The following CMIP variants were observed in gnomAD, a reference collection of about 807,000 sequenced individuals.
The protein encoded by CMIP is C-Maf-inducing protein.
In CMIP, 13 loss-of-function variants were observed where a neutral mutation model predicts 97.3. The observed-to-expected ratio is 0.13, with a 90% CI of 0.09 to 0.21. The LOEUF (loss-of-function observed/expected upper bound fraction) is 0.21, where lower values mean the gene tolerates loss of function less well. Among genes scored for constraint, CMIP ranks in the 10% least tolerant of loss-of-function variants. The pLI is 1.00. For synonymous variants in CMIP, 538 were observed against 436.3 expected, an observed-to-expected ratio of 1.23 and a Z score of -2.91; for missense variants, 847 against 1,024.9, an observed-to-expected ratio of 0.83 and a Z score of 2.37.
intron 1 of CMIP, among the ~76,000 whole-genome samples, chr16:81,543,220 CTG>C (rs1381048134): frequency 6.6e-6 from 1 of 152,214 alleles, no homozygotes; most frequent in Non-Finnish European, 1.5e-5. Flanking sequence ...AATCTGAAGA[CTG>C]TGTGGTTCTG....
chr16:81,609,186 C>T (rs377520328), intron 2 of CMIP, among the ~76,000 whole-genome samples: 3 of 151,834 alleles, frequency 2.0e-5, no homozygotes, highest in Non-Finnish European at 4.4e-5. Flanking sequence ...GTCCCTCCCC[C>T]CCTCCCCACC....
chr16:81,588,970 C>T (rs1434904714), intron 1 of CMIP, among the ~76,000 whole-genome samples: 1 of 152,068 alleles, frequency 6.6e-6, no homozygotes, highest in African/African-American at 2.4e-5. Context: ...GATATAAAGT[C>T]AGGTTTTCTG....
At chr16:81,452,131 C>T (rs566855850) in intron 1 of CMIP, among the ~76,000 whole-genome samples, 3 of 152,296 alleles carry the variant, frequency 2.0e-5, no homozygotes, top group South Asian at 2.1e-4. Context: ...ATGTGCACAG[C>T]GCTCGTCCTG....
At chr16:81,553,532 A>G (rs566973753) in intron 1 of CMIP, among the ~76,000 whole-genome samples, 12 of 152,294 alleles carry the variant, frequency 7.9e-5, no homozygotes, top group African/African-American at 2.9e-4. Flanking sequence ...TCCCGGCGCC[A>G]GCTTCGAACA....
intron 1 of CMIP, among the ~76,000 whole-genome samples, chr16:81,492,033 C>T (rs1263214988): frequency 6.6e-6 from 1 of 152,202 alleles, no homozygotes; most frequent in African/African-American, 2.4e-5. Context: ...TTTTCTTCCT[C>T]AATAGAGTGT....
At chr16:81,539,510 A>C (rs994427602) in intron 1 of CMIP, among the ~76,000 whole-genome samples, 2 of 152,314 alleles carry the variant, frequency 1.3e-5, no homozygotes, top group South Asian at 4.1e-4. Context: ...AGAATCCTTC[A>C]TGCTTCGCTG....
chr16:81,512,301 G>GTA (rs1567551832), intron 1 of CMIP, among the ~76,000 whole-genome samples: 4 of 151,990 alleles, frequency 2.6e-5, no homozygotes, highest in African/African-American at 9.7e-5. Context: ...GCCTTGGTGG[G>GTA]GGTCTTTCTT....
rs535631269 is a variant in CMIP at position 81,480,305 on chromosome 16, C to T, written c.300+34764C>T. On this transcript the variant is annotated intron_variant, in intron 1 of 20. Transcript: ENST00000537098. ...CTGTAATCCCAGCACTTTGGGAGGC[C>T]GAGGTGGGCAGATCACCTGAGGTCA... 5.3e-5 allele frequency among the ~76,000 whole-genome samples: 8 copies of T among 152,112 alleles called. No homozygotes were observed. The South Asian group carries it at 6.2e-4, about 12-fold the overall frequency.
intron 1 of CMIP, among the ~76,000 whole-genome samples, chr16:81,580,048 C>T (rs548125511): frequency 7.2e-5 from 11 of 152,342 alleles, no homozygotes; most frequent in Non-Finnish European, 1.3e-4. Context: ...TTCTGAAGAA[C>T]GGATATTTCC....
At chr16:81,536,620 A>G (rs2090348039) in intron 1 of CMIP, among the ~76,000 whole-genome samples, 1 of 152,108 alleles carries the variant, frequency 6.6e-6, no homozygotes, top group Non-Finnish European at 1.5e-5. Context: ...TCAGGTGGAC[A>G]CCTGGTTCAT....
At chr16:81,547,311 G>T (rs575814769) in intron 1 of CMIP, among the ~76,000 whole-genome samples, 13 of 152,322 alleles carry the variant, frequency 8.5e-5, no homozygotes, top group African/African-American at 3.1e-4. Flanking sequence ...TGTGTGCAGC[G>T]AGGGTGACTC....
At chr16:81,481,848 A>G (rs2089228928) in intron 1 of CMIP, among the ~76,000 whole-genome samples, 2 of 150,112 alleles carry the variant, frequency 1.3e-5, no homozygotes, top group Admixed American at 1.3e-4. Context: ...CAGTCTTCAC[A>G]TCTCCTCTGG....
chr16:81,707,057 C>G lies in CMIP; in HGVS notation c.2241C>G (p.Leu747=). The change falls in exon 20 of 21, where the codon CTC becomes CTG. Residue 747 remains leucine, a synonymous_variant. Transcript: ENST00000537098. ...GTTTAAACATGAACAGCACCAAGCT[C>G]TCAGCTGACACCTACGAAGATCTGA... ...LCSLNMNSTK[L]SADTYEDLKA... The G allele has an allele frequency of 6.2e-7, 1 of 1,613,890 alleles. No individual in the cohort carries two copies. Among genetic ancestry groups the G allele is most frequent in the Non-Finnish European group, 8.5e-7 (1 of 1,179,842 alleles).
chr16:81,679,952 T>A (rs1328089009), intron 10 of CMIP, among the ~76,000 whole-genome samples: 5 of 152,194 alleles, frequency 3.3e-5, no homozygotes, highest in Non-Finnish European at 7.3e-5. Context: ...CACCTCCCCC[T>A]TTCTCGCTCC....
intron 1 of CMIP, among the ~76,000 whole-genome samples, chr16:81,605,494 G>C (rs1476163423): frequency 6.6e-6 from 1 of 152,184 alleles, no homozygotes; most frequent in Non-Finnish European, 1.5e-5. Flanking sequence ...TGTGAACCTT[G>C]GCTAAAGCTC....
At chr16:81,488,577 G>A (rs1280118732) in intron 1 of CMIP, among the ~76,000 whole-genome samples, 5 of 152,098 alleles carry the variant, frequency 3.3e-5, no homozygotes, top group Non-Finnish European at 5.9e-5. Flanking sequence ...TCCTGGGACT[G>A]CTATAAGGGT....
At position 81,711,618 on chromosome 16, in the gene CMIP, GA is replaced by G. The variant is rs11307650; in HGVS notation, c.*1831del. 129,053 of 145,326 alleles carry G rather than the reference GA, an allele frequency of 0.89. 57,690 individuals are homozygous for G. Among genetic ancestry groups the G allele is most frequent in the East Asian group, 0.99 (5,013 of 5,042 alleles). 9.0% of individuals were successfully genotyped at this position (145,326 alleles called of 1,614,324 possible). A position where few individuals can be genotyped will look rare whatever the true frequency, so the allele number is the denominator to read the frequency against. ...AATAAAAATAAAAAAAATAAAAAAG[GA>G]AAAAAAAAAAAGAAGAAACAAGACA... is the stretch of plus-strand genomic sequence containing the variant. On this transcript the variant is annotated 3_prime_UTR_variant, in exon 21 of 21. Coordinates refer to ENST00000537098, the MANE Select transcript of CMIP (RefSeq NM_198390.3).
chr16:81,709,623 C>G, intron 20 of CMIP, 123 bp from the exon 21 acceptor site: 1 of 1,076,972 alleles, frequency 9.3e-7, no homozygotes, highest in Non-Finnish European at 1.4e-6. Context: ...AGGTAGCCCA[C>G]AGCACCAAGG....
At chr16:81,553,538 G>A (rs996846436) in intron 1 of CMIP, among the ~76,000 whole-genome samples, 1 of 152,146 alleles carries the variant, frequency 6.6e-6, no homozygotes, top group Non-Finnish European at 1.5e-5. Context: ...CGCCAGCTTC[G>A]AACAGGGGAG....
Sources: allele counts gnomAD v4.1 joint callset (sites outside exome capture counted in the v4.1 genomes callset), GRCh38; gene constraint gnomAD v4.1.1; transcripts MANE v1.5; gene names NCBI Gene and HGNC (gene_info 2026-07-23, HGNC 2026-07-21).